The following AMZ1 variants were observed in gnomAD, a reference collection of about 807,000 sequenced individuals.
The protein encoded by AMZ1 is archaelysin family metallopeptidase 1, also known as archaemetzincin-1.
A neutral mutation model predicts 29.9 loss-of-function variants in AMZ1; 39 were observed. The ratio of observed to expected loss-of-function variants is 1.30; its 90% CI spans 1.01 to 1.70. AMZ1 has a LOEUF of 1.70. Among genes scored for constraint, AMZ1 ranks in the 40% most tolerant of loss-of-function variants. The pLI is 0.00. For missense variants in AMZ1, 1,041 were observed against 680.6 expected (o/e 1.53, Z -5.89); for synonymous variants, 458 against 304.0 (o/e 1.51, Z -5.27).
At chr7:2,744,411 T>A (rs1242731256) in intron 4 of AMZ1, among the ~76,000 whole-genome samples, 1 of 152,118 alleles carries the variant, frequency 6.6e-6, no homozygotes, top group East Asian at 1.9e-4. Context: ...GCAAACAGGG[T>A]CTGGAGTGGA....
chr7:2,712,240 G>A, intron 6 of AMZ1, 90 bp from the exon 7 acceptor site: 5 of 1,376,006 alleles, frequency 3.6e-6, no homozygotes, highest in Non-Finnish European at 4.8e-6. Flanking sequence ...AGGACGGTGG[G>A]GTCCCCTTAG....
intron 6 of AMZ1, among the ~76,000 whole-genome samples, chr7:2,711,381 C>G (rs1022102868): frequency 6.6e-6 from 1 of 152,226 alleles, no homozygotes; most frequent in Non-Finnish European, 1.5e-5. Context: ...GTCTCTGCCA[C>G]TTCCTGTGGT....
chr7:2,742,380 A>G (rs2115332210), intron 4 of AMZ1, among the ~76,000 whole-genome samples: 1 of 152,264 alleles, frequency 6.6e-6, no homozygotes, highest in African/African-American at 2.4e-5. Flanking sequence ...CGATGTCTCC[A>G]GTGTTTAACA....
chr7:2,756,161 T>A (rs1158414699), intron 4 of AMZ1, among the ~76,000 whole-genome samples: 1 of 152,160 alleles, frequency 6.6e-6, no homozygotes, highest in Non-Finnish European at 1.5e-5. Context: ...TATGGCCAAT[T>A]GATTTATAAA....
chr7:2,751,214 T>A (rs1791018429), intron 4 of AMZ1, among the ~76,000 whole-genome samples: 1 of 151,702 alleles, frequency 6.6e-6, no homozygotes, highest in African/African-American at 2.4e-5. Flanking sequence ...TAAAACCCCA[T>A]CTTCTCAAAA....
intron 4 of AMZ1, among the ~76,000 whole-genome samples, chr7:2,740,649 A>G (rs1790452115): frequency 6.6e-6 from 1 of 152,252 alleles, no homozygotes; most frequent in African/African-American, 2.4e-5. Flanking sequence ...TGTAAACAAC[A>G]TGTTAATACT....
rs1317953999 is a variant in AMZ1 at position 2,718,921 on chromosome 7, C to G, written c.*6043C>G. On this transcript the variant is annotated 3_prime_UTR_variant, in exon 7 of 7. Coordinates refer to ENST00000683327, the MANE Select transcript of AMZ1 (RefSeq NM_001384743.1). ...ACGCTTTTCTCAGGGTCGCTTAACA[C>G]AGGCAGGGGTACAGGAGAGCTCCGG... is the stretch of plus-strand genomic sequence containing the variant. Among the ~76,000 whole-genome samples the G allele has an allele frequency of 6.6e-6, 1 of 152,008 alleles. No individual in the cohort carries two copies. The highest frequency in any genetic ancestry group is 1.5e-5 in the Non-Finnish European group (1 of 68,018).
chr7:2,708,593 A>C lies in AMZ1; in HGVS notation c.478A>C (p.Ile160Leu), dbSNP rs201543771. The stretch of plus-strand genomic sequence containing the variant: ...CTCTGGCCCTCTCCCCGCAGACGGC[A>C]TCCTGTCCTTCTTGAAGAACAACAA... Reference protein sequence around the residue: ...SDRLQLHTDGILSFLKNNKPG... With the variant: ...SDRLQLHTDGLLSFLKNNKPG... The change falls in exon 4 of 7, where the codon ATC becomes CTC. Residue 160 changes from isoleucine (I) to leucine (L), a missense_variant. Physicochemically the swap from Ile to Leu is conservative, Grantham distance 5. Coordinates refer to ENST00000683327, the MANE Select transcript of AMZ1 (RefSeq NM_001384743.1). The C allele has an allele frequency of 1.5e-4, 237 of 1,612,516 alleles. 2 individuals are homozygous for C. The Admixed American group carries it at 1.6e-3, about 11-fold the overall frequency.
intron 4 of AMZ1, among the ~76,000 whole-genome samples, chr7:2,744,023 A>G (rs1198406860): frequency 6.6e-6 from 1 of 152,214 alleles, no homozygotes; most frequent in Non-Finnish European, 1.5e-5. Flanking sequence ...GCAGCCGGGA[A>G]GCTCAAACTG....
chr7:2,726,378 G>T (rs921560771), intron 4 of AMZ1, among the ~76,000 whole-genome samples: 4 of 152,182 alleles, frequency 2.6e-5, no homozygotes, highest in African/African-American at 9.7e-5. Flanking sequence ...CCTCTTCAGT[G>T]ACTGTCAACC....
intron 4 of AMZ1, among the ~76,000 whole-genome samples, chr7:2,743,581 C>G (rs1007787188): frequency 1.3e-5 from 2 of 152,190 alleles, no homozygotes; most frequent in Admixed American, 6.5e-5. Flanking sequence ...CGAATAGGAA[C>G]AGCTCCGGTC....
At chr7:2,701,694 C>T (rs562121983) in intron 2 of AMZ1, among the ~76,000 whole-genome samples, 6 of 152,344 alleles carry the variant, frequency 3.9e-5, no homozygotes, top group African/African-American at 1.4e-4. Context: ...GTGTCCGCTT[C>T]TGACCAGCGC....
Position 2,733,459 on chromosome 7 carries a change from C to T in AMZ1, n.550+23643C>T, listed in dbSNP as rs747636303. On this transcript the variant is annotated intron_variant and non_coding_transcript_variant, in intron 4 of 4. Transcript: ENST00000489665. ...CGGGCGTGCTTACTCACCAGCTGGC[C>T]GATCCGGTCCAAGTTGTCCAGGAAG... The T allele has an allele frequency of 8.1e-6, 13 of 1,613,746 alleles. No individual in the cohort carries two copies. In the Middle Eastern group the frequency reaches 4.9e-4, roughly 61 times the overall value.
chr7:2,723,113 C>T (rs1789488866), downstream of AMZ1, among the ~76,000 whole-genome samples: 1 of 151,170 alleles, frequency 6.6e-6, no homozygotes, highest in Non-Finnish European at 1.5e-5. Context: ...TTATATGTGA[C>T]TTGAGTACAT....
upstream of AMZ1, among the ~76,000 whole-genome samples, chr7:2,760,909 T>TG (rs148917147): frequency 6.6e-6 from 1 of 151,836 alleles, no homozygotes; most frequent in Non-Finnish European, 1.5e-5. Flanking sequence ...TGGTGGGGAG[T>TG]GGGGGGTTCT....
chr7:2,719,727 C>T (rs1789339231), downstream of AMZ1, among the ~76,000 whole-genome samples: 1 of 151,464 alleles, frequency 6.6e-6, no homozygotes. Context: ...GTTGCCCAGC[C>T]TGGAGTGCAA....
chr7:2,681,198 C>A (rs1321982048), intron 1 of AMZ1, among the ~76,000 whole-genome samples: 5 of 152,246 alleles, frequency 3.3e-5, no homozygotes, highest in African/African-American at 7.2e-5. Context: ...TGCGCCTGGC[C>A]ATGGGCATCA....
At chr7:2,697,107 T>A (rs2115084423) in intron 1 of AMZ1, among the ~76,000 whole-genome samples, 1 of 152,338 alleles carries the variant, frequency 6.6e-6, no homozygotes, top group East Asian at 1.9e-4. Flanking sequence ...CATTTTAATT[T>A]ATTTTTTATT....
chr7:2,736,126 C>T (rs182591711), intron 4 of AMZ1, among the ~76,000 whole-genome samples: 1 of 152,324 alleles, frequency 6.6e-6, no homozygotes, highest in East Asian at 1.9e-4. Flanking sequence ...GCATTTTCAA[C>T]ACTAAGAGAA....
Sources: allele counts gnomAD v4.1 joint callset (sites outside exome capture counted in the v4.1 genomes callset), GRCh38; gene constraint gnomAD v4.1.1; transcripts MANE v1.5; gene names NCBI Gene and HGNC (gene_info 2026-07-23, HGNC 2026-07-21).